PLEKHA4: variants seen among roughly 807,000 people sequenced by gnomAD.
The protein encoded by PLEKHA4 is pleckstrin homology domain-containing family A member 4.
A neutral mutation model predicts 94.7 loss-of-function variants in PLEKHA4; 73 were observed. The observed-to-expected ratio is 0.77, with a 90% CI of 0.64 to 0.94. The LOEUF (loss-of-function observed/expected upper bound fraction) is 0.94. Among genes scored for constraint, PLEKHA4 ranks in the 40% least tolerant of loss-of-function variants. The pLI is 0.00. For synonymous variants in PLEKHA4, 449 were observed against 437.1 expected (o/e 1.03, Z -0.34); for missense variants, 1,049 against 1,054.1 (o/e 1.00, Z 0.07).
intron 18 of PLEKHA4, among the ~76,000 whole-genome samples, chr19:48,838,660 G>A (rs927554940): frequency 2.6e-5 from 4 of 151,130 alleles, no homozygotes; most frequent in Non-Finnish European, 4.4e-5. Context: ...CCAGCTACTA[G>A]GGAGGCTGAG....
chr19:48,841,365 C>T (rs2035761860), intron 16 of PLEKHA4, 55 bp from the exon 17 acceptor site: 5 of 1,515,478 alleles, frequency 3.3e-6, no homozygotes, highest in Admixed American at 2.0e-5. Context: ...CACAGTGGCT[C>T]GTGTAATCCC....
intron 13 of PLEKHA4, among the ~76,000 whole-genome samples, chr19:48,848,848 T>C (rs1252407019): frequency 6.6e-6 from 1 of 152,140 alleles, no homozygotes; most frequent in Non-Finnish European, 1.5e-5. Flanking sequence ...TATGTTGTTT[T>C]ACTGTGTTAC....
intron 9 of PLEKHA4, among the ~76,000 whole-genome samples, chr19:48,856,759 C>T (rs1480529224): frequency 2.0e-5 from 3 of 147,920 alleles, no homozygotes; most frequent in East Asian, 2.0e-4. Context: ...ATTAGCCGGG[C>T]GTGGTGGCGG....
intron 6 of PLEKHA4, 61 bp from the exon 7 acceptor site, chr19:48,859,745 T>A (rs1436570013): frequency 6.8e-7 from 1 of 1,461,316 alleles, no homozygotes; most frequent in Non-Finnish European, 9.4e-7. Flanking sequence ...CCTATTCTCT[T>A]GTCACAGGTG....
rs779996458 is a variant in PLEKHA4, at chr19:48,845,402, G to A, written c.1711C>T (p.Arg571Cys). The A allele has an allele frequency of 2.9e-5, 47 of 1,613,302 alleles. 1 individual carries two copies. In the South Asian group the frequency reaches 3.0e-4, roughly 10 times the overall value. ...CCTAGCTGTGGGGAAGGGAGGTGGC[G>A]ACCCTCAGGGCTGGAAGCCCGGGAG... ...RVSRASSPEG[R>C]HLPSPQLGTK... Residue 571 changes from arginine (R) to cysteine (C), a missense_variant, in exon 16 of 20, where the codon CGC (arginine) becomes TGC (cysteine). By Grantham distance (180) the Arg-to-Cys change is radical. Transcript: ENST00000263265.
rs2036553357 is a variant in PLEKHA4, at chr19:48,859,481, G to A, written c.680C>T (p.Ala227Val). Reference sequence around the variant, plus strand: ...CCTCCCTACTCACTCGGGGCTCCTCGCCCTCCGCATCTGGAGTCCAGAGTG... The same window carrying A: ...CCTCCCTACTCACTCGGGGCTCCTCACCCTCCGCATCTGGAGTCCAGAGTG... Reference protein sequence around the residue: ...DLHSGLQMRRARSPDLFTPLS... With the variant: ...DLHSGLQMRRVRSPDLFTPLS... The change falls in exon 7 of 20, where the codon GCG (alanine) becomes GTG (valine). Residue 227 changes from alanine to valine, a missense_variant. Transcript: ENST00000263265. 6.2e-7 allele frequency: 1 copy of A among 1,613,648 alleles called. No homozygotes were observed. Among genetic ancestry groups the A allele is most frequent in the Non-Finnish European group, 8.5e-7 (1 of 1,179,960 alleles).
chr19:48,840,123 A>C (rs1171279357), intron 17 of PLEKHA4, among the ~76,000 whole-genome samples: 1 of 151,910 alleles, frequency 6.6e-6, no homozygotes, highest in East Asian at 1.9e-4. Context: ...AAGAAAAAAA[A>C]AATCTAAGGG....
chr19:48,845,586 G>C lies in PLEKHA4; in HGVS notation c.1597C>G (p.Pro533Ala). ...CCCCAGTCAGTCTCGGGGGACCTAGGGGAGCTCAGTTCCAAGGACTCTGGC... is the reference window on the plus strand; with the variant it reads ...CCCCAGTCAGTCTCGGGGGACCTAGCGGAGCTCAGTTCCAAGGACTCTGGC... ...SLPESLELSS[P>A]RSPETDWGRP... is the part of the protein sequence containing the mutation. Residue 533 changes from proline (P) to alanine (A), a missense_variant, in exon 15 of 20, where the codon CCT (proline) becomes GCT (alanine). By Grantham distance (27) the Pro-to-Ala change is conservative. Transcript: ENST00000263265. The C allele has an allele frequency of 6.2e-7, 1 of 1,605,300 alleles. No individual in the cohort carries two copies. The highest frequency in any genetic ancestry group is 1.1e-5 in the South Asian group (1 of 90,726).
intron 16 of PLEKHA4, 46 bp downstream of exon 16, chr19:48,845,323 TC>T (rs2035923644): frequency 6.4e-7 from 1 of 1,564,604 alleles, no homozygotes; most frequent in African/African-American, 1.4e-5. Context: ...AGTGTGGGGG[TC>T]CCTGATGGTC....
At position 48,840,652 on chromosome 19, in the gene PLEKHA4, C is replaced by T. The variant is rs971223933; in HGVS notation, c.1905+497G>A. 4.6e-5 allele frequency among the ~76,000 whole-genome samples: 7 copies of T among 151,820 alleles called. No individual in the cohort carries two copies. The South Asian group carries it at 6.2e-4, about 14-fold the overall frequency. On this transcript the variant is annotated intron_variant, in intron 17 of 19. Coordinates refer to ENST00000263265, the MANE Select transcript of PLEKHA4 (RefSeq NM_020904.3). ...GTTGGTCAGGCTGGTCTTGAACTCC[C>T]GACCTCAGGTGATCCGCCCTCCTTG...
At chr19:48,855,339 C>T (rs2036361302) in intron 9 of PLEKHA4, among the ~76,000 whole-genome samples, 1 of 152,098 alleles carries the variant, frequency 6.6e-6, no homozygotes, top group Admixed American at 6.6e-5. Context: ...TGCGGTGGCT[C>T]ATGCCTGTAA....
At chr19:48,852,107 G>C in intron 13 of PLEKHA4, 121 bp downstream of exon 13, 2 of 712,038 alleles carry the variant, frequency 2.8e-6, no homozygotes, top group South Asian at 1.7e-5. Context: ...AGGACAGAAA[G>C]GAGGCTAAGG....
At chr19:48,841,124 C>T (rs750255278) in intron 17 of PLEKHA4, 25 bp downstream of exon 17, 11 of 1,597,370 alleles carry the variant, frequency 6.9e-6, no homozygotes, top group Non-Finnish European at 8.5e-6. Flanking sequence ...ACCCCACCGC[C>T]CAGCCCCAGC....
intron 8 of PLEKHA4, among the ~76,000 whole-genome samples, chr19:48,858,627 CAAAAAA>C (rs56663437): frequency 1.6e-5 from 1 of 63,474 alleles, no homozygotes; most frequent in Admixed American, 1.5e-4. Flanking sequence ...ACCTCAGTCT[CAAAAAA>C]AAAAAAAAAA....
chr19:48,864,455 A>G (rs2036759459), intron 3 of PLEKHA4, among the ~76,000 whole-genome samples: 1 of 152,048 alleles, frequency 6.6e-6, no homozygotes, highest in Non-Finnish European at 1.5e-5. Flanking sequence ...GGCATGACCC[A>G]CTATGCTCAG....
intron 9 of PLEKHA4, among the ~76,000 whole-genome samples, chr19:48,855,370 G>A (rs532118882): frequency 5.3e-5 from 8 of 152,226 alleles, no homozygotes; most frequent in African/African-American, 1.7e-4. Context: ...TTGGGAGGCC[G>A]AGGCGGGTGG....
intron 9 of PLEKHA4, among the ~76,000 whole-genome samples, chr19:48,854,868 GTTGT>G (rs1232357525): frequency 2.6e-5 from 4 of 151,398 alleles, no homozygotes; most frequent in Admixed American, 6.6e-5. Flanking sequence ...GCCAGCTAAG[GTTGT>G]TTGTTTGTTT....
Position 48,861,678 on chromosome 19 carries a change from G to A in PLEKHA4, c.207C>T (p.Leu69=). ...CGAACCAGCGGCGTTTCCAGAGACG[G>A]AGCCCCGAGCTGTCCTGGGGAGAGA... ...GWLHKQDSSG[L]RLWKRRWFVL... is the part of the protein sequence containing the mutation. Residue 69 remains leucine, a synonymous_variant, in exon 4 of 20, where the codon CTC becomes CTT. Transcript: ENST00000263265. The A allele has an allele frequency of 6.2e-7, 1 of 1,614,092 alleles. No individual in the cohort carries two copies. The highest frequency in any genetic ancestry group is 8.5e-7 in the Non-Finnish European group (1 of 1,179,944).
chr19:48,839,339 G>T lies in PLEKHA4; in HGVS notation c.1906-76C>A. 9 of 1,011,200 alleles carry T rather than the reference G, an allele frequency of 8.9e-6. No homozygotes were observed. The South Asian group carries it at 1.4e-4, about 15-fold the overall frequency. The allele number at this position is 1,011,200 out of a possible 1,614,324, so 62.6% of individuals were successfully genotyped here. A position where few individuals can be genotyped will look rare whatever the true frequency, so the allele number is the denominator to read the frequency against. On this transcript the variant is annotated intron_variant, in intron 17 of 19. Coordinates refer to ENST00000263265, the MANE Select transcript of PLEKHA4 (RefSeq NM_020904.3). ...TCATTTTGAGGGTGAAGTGAAGGGGGCTCCAAAAGAGAATGAAATTGCCCA... is the reference window on the plus strand; with the variant it reads ...TCATTTTGAGGGTGAAGTGAAGGGGTCTCCAAAAGAGAATGAAATTGCCCA...
Sources: gnomAD v4.1 joint callset for allele counts (sites outside exome capture counted in the v4.1 genomes callset) on GRCh38, gnomAD v4.1.1 for gene constraint, MANE v1.5 for transcripts, NCBI Gene and HGNC (gene_info 2026-07-23, HGNC 2026-07-21) for gene names.